LRRC37A3: variants seen among roughly 807,000 people sequenced by gnomAD.
The protein encoded by LRRC37A3 is leucine-rich repeat-containing protein 37A3.
LRRC37A3 carries 25 observed loss-of-function variants against 106.2 expected under a neutral mutation model. That is an observed-to-expected ratio of 0.24 (90% CI 0.17 to 0.33). The LOEUF is 0.33. Among genes scored for constraint, LRRC37A3 ranks in the 10% least tolerant of loss-of-function variants. The probability of loss-of-function intolerance (pLI) is 1.00; values close to 1 mark genes in which losing one functional copy is unlikely to be tolerated. For missense variants in LRRC37A3, 712 were observed against 1,644.9 expected (o/e 0.43, Z 9.81); for synonymous variants, 305 against 635.8 (o/e 0.48, Z 7.83).
intron 2 of LRRC37A3, among the ~76,000 whole-genome samples, chr17:64,904,998 ACT>A (rs1267350741): frequency 1.3e-5 from 2 of 148,800 alleles, no homozygotes; most frequent in Non-Finnish European, 1.5e-5. Flanking sequence ...ACAGAGCAAG[ACT>A]CTCTCTCAAA....
At position 64,854,637 on chromosome 17, in the gene LRRC37A3, C is replaced by T. The variant is rs527816573; in HGVS notation, c.4867G>A (p.Glu1623Lys). ...TCACTCTCCTCCTCCGTTGGGGCTT[C>T]GCTGTCCCTGGGATAAGAATAACAA... Reference protein sequence around the residue: ...EDEEGFSRDSEAPTEEESEAL... With the variant: ...EDEEGFSRDSKAPTEEESEAL... Residue 1623 changes from glutamate to lysine, a missense_variant, in exon 15 of 15, where the codon GAA becomes AAA. By Grantham distance (56) the Glu-to-Lys change is moderately conservative. Coordinates refer to ENST00000584306, the MANE Select transcript of LRRC37A3 (RefSeq NM_199340.5). 2.3e-5 allele frequency: 37 copies of T among 1,613,664 alleles called. No homozygotes were observed. The highest frequency in any genetic ancestry group is 6.6e-5 in the South Asian group (6 of 91,048).
In LRRC37A3 at chr17:64,880,039, C is replaced by T. The variant is rs1380576372; in HGVS notation, c.2906+6047G>A. On this transcript the variant is annotated intron_variant, in intron 8 of 14. Coordinates refer to ENST00000584306, the MANE Select transcript of LRRC37A3 (RefSeq NM_199340.5). Reference sequence around the variant, plus strand: ...TTGATAGCTCATCCATAGCCTTGAGCTCAGCATTACCTCTGAACTAGGAAG... The same window carrying T: ...TTGATAGCTCATCCATAGCCTTGAGTTCAGCATTACCTCTGAACTAGGAAG... Among the ~76,000 whole-genome samples the T allele has an allele frequency of 2.0e-5, 3 of 152,028 alleles. No homozygotes were observed. The East Asian group carries it at 5.8e-4, about 29-fold the overall frequency.
chr17:64,862,874 T>C (rs1426135424), intron 11 of LRRC37A3, 26 bp downstream of exon 11: 2 of 1,598,950 alleles, frequency 1.3e-6, no homozygotes, highest in Non-Finnish European at 1.7e-6. Context: ...AATGTAACAA[T>C]TTATCACCAT....
In LRRC37A3 at chr17:64,878,453, G is replaced by T. The variant is rs569676565; in HGVS notation, c.2906+7633C>A. ...TATCTGTTAAGGTCTAATATCCAGA[G>T]TATCCAGAATATATAGAGAATTCCT... is the stretch of plus-strand genomic sequence containing the variant. On this transcript the variant is annotated intron_variant, in intron 8 of 14. Transcript: ENST00000584306. Among the ~76,000 whole-genome samples, 113 of 152,272 alleles carry T rather than the reference G, an allele frequency of 7.4e-4. 2 individuals carry two copies. The highest frequency in any genetic ancestry group is 5.0e-3 in the South Asian group (24 of 4,824).
chr17:64,862,380 T>G (rs995030643), intron 11 of LRRC37A3, among the ~76,000 whole-genome samples: 2 of 151,886 alleles, frequency 1.3e-5, no homozygotes, highest in Non-Finnish European at 2.9e-5. Flanking sequence ...TCCATTCCAT[T>G]AGAAGAGCCA....
rs1297713279 is a variant in LRRC37A3, at chr17:64,860,445, T to C, written c.3701A>G (p.Lys1234Arg). ...EKLAGNAVYT[K>R]PSFTQEHKAA... ...CTTATGCTCTTGGGTGAACGAAGGC[T>C]TGGTGTAGACGGCGTTTCCCGCTAA... The change falls in exon 12 of 15, where the codon AAG becomes AGG. Residue 1234 changes from lysine to arginine, a missense_variant. Transcript: ENST00000584306. 6.2e-7 allele frequency: 1 copy of C among 1,613,930 alleles called. No individual in the cohort carries two copies. The highest frequency in any genetic ancestry group is 1.7e-5 in the Admixed American group (1 of 60,020).
At chr17:64,868,374 T>C (rs1287658504) in intron 10 of LRRC37A3, 88 bp downstream of exon 10, 3 of 1,331,950 alleles carry the variant, frequency 2.3e-6, no homozygotes, top group African/African-American at 1.5e-5. Context: ...ATGAAAATTA[T>C]ACCTCAATGA....
intron 10 of LRRC37A3, among the ~76,000 whole-genome samples, chr17:64,866,906 C>T (rs867828931): frequency 1.3e-5 from 2 of 148,934 alleles, no homozygotes; most frequent in Admixed American, 6.7e-5. Context: ...CACTTGAGAC[C>T]AGGAGTCCAA....
At chr17:64,919,259 G>A (rs1974776865) in intron 1 of LRRC37A3, among the ~76,000 whole-genome samples, 172 bp downstream of exon 1, 2 of 152,248 alleles carry the variant, frequency 1.3e-5, no homozygotes, top group East Asian at 3.9e-4. Flanking sequence ...GGCCCCTCAT[G>A]TTGGAACCGA....
intron 2 of LRRC37A3, among the ~76,000 whole-genome samples, chr17:64,913,592 G>A (rs1282721402): frequency 1.3e-5 from 2 of 151,598 alleles, no homozygotes; most frequent in Admixed American, 6.6e-5. Context: ...CACCCGCCTC[G>A]GCCTCCCAAA....
chr17:64,918,943 G>T, intron 1 of LRRC37A3, 73 bp from the exon 2 acceptor site: 1 of 1,023,342 alleles, frequency 9.8e-7, no homozygotes. Context: ...GTTGACGGCC[G>T]TCCGGACCTG....
At chr17:64,919,235 C>T (rs1974775764) in intron 1 of LRRC37A3, among the ~76,000 whole-genome samples, 196 bp downstream of exon 1, 1 of 152,034 alleles carries the variant, frequency 6.6e-6, no homozygotes, top group African/African-American at 2.4e-5. Flanking sequence ...GCTGCTTGGT[C>T]GGCCTGCCCC....
chr17:64,912,336 T>G (rs1974607839), intron 2 of LRRC37A3, among the ~76,000 whole-genome samples: 1 of 145,168 alleles, frequency 6.9e-6, no homozygotes, highest in Non-Finnish European at 1.5e-5. Flanking sequence ...TGAAAGTGTA[T>G]ATATATACAC....
chr17:64,908,776 A>T (rs1448219563), intron 2 of LRRC37A3, among the ~76,000 whole-genome samples: 1 of 134,468 alleles, frequency 7.4e-6, no homozygotes, highest in Non-Finnish European at 1.5e-5. Context: ...CCGTCTCAAA[A>T]ACAAGTCAAT....
At chr17:64,877,965 G>GA (rs1329490488) in intron 8 of LRRC37A3, among the ~76,000 whole-genome samples, 1 of 151,896 alleles carries the variant, frequency 6.6e-6, no homozygotes, top group Non-Finnish European at 1.5e-5. Context: ...GCAAAATAAT[G>GA]AAGGTGGACC....
chr17:64,899,419 CAAAAAAAAAAAAA>C (rs71215666), intron 2 of LRRC37A3, among the ~76,000 whole-genome samples: 1 of 100,278 alleles, frequency 1.0e-5, no homozygotes, highest in African/African-American at 5.2e-5. Context: ...GACTCCATCT[CAAAAAAAAAAAAA>C]AAAAAAAAGA....
At chr17:64,867,458 G>T (rs1391978480) in intron 10 of LRRC37A3, among the ~76,000 whole-genome samples, 2 of 152,134 alleles carry the variant, frequency 1.3e-5, no homozygotes, top group African/African-American at 2.4e-5. Flanking sequence ...GTCTGCAGGG[G>T]ATTGGCTCCA....
chr17:64,918,906 G>A (rs917684847), intron 1 of LRRC37A3, 36 bp from the exon 2 acceptor site: 1 of 633,608 alleles, frequency 1.6e-6, no homozygotes. Context: ...GTGTGGCAGC[G>A]AGCACCTGTA....
Position 64,854,310 on chromosome 17 carries a change from G to A in LRRC37A3, c.*289C>T. 1.9e-6 allele frequency: 1 copy of A among 539,918 alleles called. No homozygotes were observed. Among genetic ancestry groups the A allele is most frequent in the Non-Finnish European group, 3.3e-6 (1 of 301,980 alleles). The allele number at this position is 539,918 out of a possible 1,614,324, so 33.4% of individuals were successfully genotyped here. ...GCCAGGAGATGGGAGGTCCCCTGTG[G>A]GCAGGAGTTCAAGTATGTGGTATTA... On this transcript the variant is annotated 3_prime_UTR_variant, in exon 15 of 15. Coordinates refer to ENST00000584306, the MANE Select transcript of LRRC37A3 (RefSeq NM_199340.5).
Sources: allele counts gnomAD v4.1 joint callset (sites outside exome capture counted in the v4.1 genomes callset), GRCh38; gene constraint gnomAD v4.1.1; transcripts MANE v1.5; gene names NCBI Gene and HGNC (gene_info 2026-07-23, HGNC 2026-07-21).